TPX2: variants seen among roughly 807,000 people sequenced by gnomAD.
TPX2 encodes the protein TPX2 microtubule nucleation factor, also known as targeting protein for Xklp2.
A neutral mutation model predicts 93.6 loss-of-function variants in TPX2; 21 were observed. The observed-to-expected ratio is 0.22, with a 90% confidence interval of 0.16 to 0.32. The LOEUF is 0.32. TPX2 is among the 10% of genes least tolerant of loss of function. The pLI, the probability that TPX2 is intolerant of heterozygous loss-of-function variation, is 1.00. For missense variants in TPX2, 776 were observed against 871.1 expected (o/e 0.89, Z 1.37); for synonymous variants, 281 against 298.3 (o/e 0.94, Z 0.60).
At chr20:31,742,270 C>T (rs1488265210) in intron 1 of TPX2, among the ~76,000 whole-genome samples, 1 of 150,966 alleles carries the variant, frequency 6.6e-6, no homozygotes, top group African/African-American at 2.4e-5. Context: ...TTCCGCTTCC[C>T]AGGTTCAAGC....
At chr20:31,760,408 G>T (rs2061882359) in intron 4 of TPX2, among the ~76,000 whole-genome samples, 1 of 151,112 alleles carries the variant, frequency 6.6e-6, no homozygotes, top group Non-Finnish European at 1.5e-5. Flanking sequence ...CTTTAAGATG[G>T]GGTCTGGTTC....
chr20:31,746,635 T>C (rs2061785032), intron 2 of TPX2, among the ~76,000 whole-genome samples: 1 of 152,208 alleles, frequency 6.6e-6, no homozygotes, highest in South Asian at 2.1e-4. Flanking sequence ...CACCAAAGTC[T>C]TTGTTTTGCT....
chr20:31,770,561 A>G (rs1006492425), intron 6 of TPX2, 90 bp downstream of exon 6: 23 of 1,196,304 alleles, frequency 1.9e-5, no homozygotes, highest in Non-Finnish European at 2.5e-5. Flanking sequence ...TACACTTTAG[A>G]TTGAATAGAT....
chr20:31,759,217 C>T (rs1045570479), intron 3 of TPX2, among the ~76,000 whole-genome samples: 5 of 152,038 alleles, frequency 3.3e-5, no homozygotes, highest in African/African-American at 7.3e-5. Context: ...CCCTTCACTG[C>T]TTTGTACTGA....
At chr20:31,767,213 A>G (rs1405523318) in intron 5 of TPX2, among the ~76,000 whole-genome samples, 1 of 152,226 alleles carries the variant, frequency 6.6e-6, no homozygotes, top group Non-Finnish European at 1.5e-5. Flanking sequence ...ATTTATAGAT[A>G]AGGTCTCAGA....
intron 15 of TPX2, among the ~76,000 whole-genome samples, chr20:31,796,132 A>T (rs921596028): frequency 6.6e-6 from 1 of 152,196 alleles, no homozygotes; most frequent in Admixed American, 6.5e-5. Flanking sequence ...CAATTGTTTT[A>T]AAAAGCTTTT....
chr20:31,794,113 C>G, intron 14 of TPX2, 89 bp downstream of exon 14: 1 of 1,323,630 alleles, frequency 7.6e-7, no homozygotes, highest in Non-Finnish European at 1.0e-6. Context: ...ACTATAAAAT[C>G]ACTGACTTCT....
At chr20:31,771,504 GT>G in intron 6 of TPX2, 55 bp from the exon 7 acceptor site, 1 of 1,580,086 alleles carries the variant, frequency 6.3e-7, no homozygotes, top group Non-Finnish European at 8.6e-7. Context: ...GGGGAGGAGG[GT>G]ACAGGCTATG....
intron 12 of TPX2, among the ~76,000 whole-genome samples, chr20:31,789,326 C>T (rs2062086180): frequency 6.6e-6 from 1 of 152,166 alleles, no homozygotes; most frequent in East Asian, 1.9e-4. Context: ...AGCACAAGCA[C>T]TCTGATATCG....
chr20:31,794,642 C>G, intron 15 of TPX2, 94 bp downstream of exon 15: 1 of 1,471,532 alleles, frequency 6.8e-7, no homozygotes, highest in East Asian at 2.3e-5. Context: ...GGTTAACATG[C>G]TACATTGTTT....
At chr20:31,759,517 A>G (rs1262245130) in intron 3 of TPX2, among the ~76,000 whole-genome samples, 1 of 147,664 alleles carries the variant, frequency 6.8e-6, no homozygotes, top group Non-Finnish European at 1.5e-5. Context: ...CCCCTGCCTC[A>G]GCTTCTCAAG....
intron 12 of TPX2, among the ~76,000 whole-genome samples, chr20:31,788,404 C>T (rs935821284): frequency 7.8e-5 from 10 of 128,492 alleles, no homozygotes; most frequent in African/African-American, 3.3e-4. Context: ...GGCAACAGAG[C>T]GAGACTCTGT....
chr20:31,793,122 T>C (rs972271048), intron 13 of TPX2, among the ~76,000 whole-genome samples: 1 of 152,214 alleles, frequency 6.6e-6, no homozygotes, highest in Non-Finnish European at 1.5e-5. Context: ...AGCTGCTCTT[T>C]GTAACATGGA....
In TPX2 at chr20:31,771,410, A is replaced by G. The variant is rs1309361939; in HGVS notation, c.486-150A>G. ...TGAAGCCATTAATATATATGATCTAATGATACTGTTGGAAGAATCATGTGG... is the reference window on the plus strand; with the variant it reads ...TGAAGCCATTAATATATATGATCTAGTGATACTGTTGGAAGAATCATGTGG... On this transcript the variant is annotated intron_variant, in intron 6 of 17. Transcript: ENST00000300403. 4 of 1,000,164 alleles carry G rather than the reference A, an allele frequency of 4.0e-6. No homozygotes were observed. In the Admixed American group the frequency reaches 1.3e-4, roughly 33 times the overall value. 62.0% of individuals were successfully genotyped at this position (1,000,164 alleles called of 1,614,324 possible). A position where few individuals can be genotyped will look rare whatever the true frequency, so the allele number is the denominator to read the frequency against.
rs776364959 is a variant in TPX2, at chr20:31,777,624, C to G, written c.868C>G (p.His290Asp). Residue 290 changes from histidine to aspartate, a missense_variant, in exon 9 of 18, where the codon CAT (histidine) becomes GAT (aspartate). Coordinates refer to ENST00000300403, the MANE Select transcript of TPX2 (RefSeq NM_012112.5). ...GAACTTTACATCTGAACTACGAAAG[C>G]ATCCTTCATCTCCTGTAAGTTGATG... ...EVNFTSELRK[H>D]PSSPARVTKG... is the part of the protein sequence containing the mutation. The G allele has an allele frequency of 2.5e-6, 4 of 1,613,790 alleles. No individual in the cohort carries two copies. The Admixed American group carries it at 6.7e-5, about 27-fold the overall frequency.
chr20:31,740,217 C>T (rs779186156), intron 1 of TPX2, among the ~76,000 whole-genome samples: 48 of 152,162 alleles, frequency 3.2e-4, no homozygotes, highest in Non-Finnish European at 6.0e-4. Flanking sequence ...AACATGGACT[C>T]CCCCCAAATC....
chr20:31,760,427 A>G (rs180897189), intron 4 of TPX2, among the ~76,000 whole-genome samples: 1 of 151,354 alleles, frequency 6.6e-6, no homozygotes, highest in African/African-American at 2.4e-5. Flanking sequence ...TCTGTCACCC[A>G]GGCTGGTGGA....
At chr20:31,769,940 G>A (rs1405849061) in intron 5 of TPX2, among the ~76,000 whole-genome samples, 1 of 152,072 alleles carries the variant, frequency 6.6e-6, no homozygotes, top group African/African-American at 2.4e-5. Context: ...TAGCACCACA[G>A]ATGCGCACCA....
intron 4 of TPX2, among the ~76,000 whole-genome samples, chr20:31,761,888 C>T (rs2061893268): frequency 6.6e-6 from 1 of 152,080 alleles, no homozygotes; most frequent in African/African-American, 2.4e-5. Context: ...TATAAGAGTT[C>T]TCCTTTCTCT....
Sources: gnomAD v4.1 joint callset for allele counts (sites outside exome capture counted in the v4.1 genomes callset) on GRCh38, gnomAD v4.1.1 for gene constraint, MANE v1.5 for transcripts, NCBI Gene and HGNC (gene_info 2026-07-23, HGNC 2026-07-21) for gene names.